The following EYS variants were observed in gnomAD, a reference collection of about 807,000 sequenced individuals.
EYS encodes EGF-like photoreceptor maintenance factor.
A neutral mutation model predicts 282.1 loss-of-function variants in EYS; 250 were observed. That is an observed-to-expected ratio of 0.89 (90% CI 0.80 to 0.98). The LOEUF (loss-of-function observed/expected upper bound fraction) is 0.98. Ranked by LOEUF, EYS falls within the 50% of genes least tolerant of loss-of-function variation. The probability of loss-of-function intolerance (pLI) is 0.00; values close to 1 mark genes in which losing one functional copy is unlikely to be tolerated. For missense variants in EYS, 4,016 were observed against 3,709.0 expected (o/e 1.08, Z -2.15); for synonymous variants, 1,355 against 1,282.9 (o/e 1.06, Z -1.20).
At chr6:65,495,682 T>C in intron 3 of EYS, 75 bp from the exon 4 acceptor site, 1 of 506,346 alleles carries the variant, frequency 2.0e-6, no homozygotes, top group Non-Finnish European at 3.5e-6. Context: ...CTAGCTCTTT[T>C]TGTGGATTTC....
At chr6:63,726,971 T>C (rs1370961945) in intron 41 of EYS, among the ~76,000 whole-genome samples, 5 of 152,208 alleles carry the variant, frequency 3.3e-5, no homozygotes, top group Non-Finnish European at 7.3e-5. Context: ...GATTGCATTA[T>C]ATAGAGGGAT....
intron 35 of EYS, among the ~76,000 whole-genome samples, chr6:63,971,886 A>G (rs1021718373): frequency 6.6e-6 from 1 of 152,240 alleles, no homozygotes; most frequent in Non-Finnish European, 1.5e-5. Context: ...CTTAAAGCAC[A>G]TGGTAAGTTA....
chr6:65,225,086 G>A (rs1390784321), intron 12 of EYS, among the ~76,000 whole-genome samples: 2 of 151,858 alleles, frequency 1.3e-5, no homozygotes, highest in African/African-American at 2.4e-5. Flanking sequence ...TGAGGAAAGT[G>A]TTACCCTTAA....
rs1434291054 is a variant in EYS, at chr6:65,686,597, T to C, written c.-448+20538A>G. ...TAAATGGGGAGAACAGGAGGATTCA[T>C]ATGTTTGTTAAACAAACTACAAAAT... On this transcript the variant is annotated intron_variant, in intron 1 of 42. Coordinates refer to ENST00000503581, the MANE Select transcript of EYS (RefSeq NM_001142800.2). Among the ~76,000 whole-genome samples, 4 of 152,276 alleles carry C rather than the reference T, an allele frequency of 2.6e-5. No homozygotes were observed. The South Asian group carries it at 8.3e-4, about 32-fold the overall frequency.
chr6:65,680,508 A>G (rs1327916181), intron 1 of EYS, among the ~76,000 whole-genome samples: 1 of 152,010 alleles, frequency 6.6e-6, no homozygotes, highest in Non-Finnish European at 1.5e-5. Flanking sequence ...TATTAATGAC[A>G]GTAAAGTAAA....
At chr6:64,871,765 A>G (rs1383464484) in intron 19 of EYS, among the ~76,000 whole-genome samples, 2 of 151,992 alleles carry the variant, frequency 1.3e-5, no homozygotes, top group Non-Finnish European at 2.9e-5. Context: ...ATTCCTCTTG[A>G]GAGAAGGTAG....
At chr6:64,699,031 T>C (rs1028623071) in intron 22 of EYS, among the ~76,000 whole-genome samples, 5 of 152,160 alleles carry the variant, frequency 3.3e-5, no homozygotes, top group African/African-American at 1.2e-4. Context: ...ACGTGAATGT[T>C]CACTGCAGCT....
At chr6:64,166,359 G>A (rs145649691) in intron 31 of EYS, among the ~76,000 whole-genome samples, 64 of 152,312 alleles carry the variant, frequency 4.2e-4, no homozygotes, top group African/African-American at 1.5e-3. Flanking sequence ...TTAGGTTCAA[G>A]TGATTTGCAC....
At chr6:65,026,206 G>A (rs968912564) in intron 13 of EYS, among the ~76,000 whole-genome samples, 1 of 152,042 alleles carries the variant, frequency 6.6e-6, no homozygotes, top group Non-Finnish European at 1.5e-5. Context: ...TCCACTGTTA[G>A]TTTCATAAAT....
intron 22 of EYS, among the ~76,000 whole-genome samples, chr6:64,676,980 T>C (rs1769711211): frequency 1.3e-5 from 2 of 152,164 alleles, no homozygotes; most frequent in Non-Finnish European, 2.9e-5. Flanking sequence ...CTTTATATGT[T>C]AAAGTGCAAA....
intron 19 of EYS, among the ~76,000 whole-genome samples, chr6:64,867,218 A>G (rs1158981250): frequency 9.8e-6 from 1 of 102,424 alleles, no homozygotes; most frequent in African/African-American, 3.2e-5. Flanking sequence ...AAGTTTATAG[A>G]GAATTTGTTC....
Position 65,030,849 on chromosome 6 carries a change from A to C in EYS, c.2137+26765T>G, listed in dbSNP as rs372955119. ...GGTAAATGTCTTAGTTAAAAGGCAA[A>C]GAATGGCAAGGTGGATAAAGAAATA... is the stretch of plus-strand genomic sequence containing the variant. On this transcript the variant is annotated intron_variant, in intron 13 of 42. Transcript: ENST00000503581. Among the ~76,000 whole-genome samples the C allele has an allele frequency of 2.2e-4, 33 of 152,306 alleles. 1 individual carries two copies. The South Asian group carries it at 6.8e-3, about 32-fold the overall frequency.
intron 2 of EYS, among the ~76,000 whole-genome samples, chr6:65,571,701 A>G (rs1764482492): frequency 6.6e-6 from 1 of 152,030 alleles, no homozygotes; most frequent in African/African-American, 2.4e-5. Flanking sequence ...CGATAATGAA[A>G]TTTTTCAAAT....
At chr6:64,480,499 C>T (rs781603190) in intron 26 of EYS, among the ~76,000 whole-genome samples, 1 of 151,648 alleles carries the variant, frequency 6.6e-6, no homozygotes, top group Non-Finnish European at 1.5e-5. Context: ...AATCTTTGTG[C>T]GATGTTAGAG....
chr6:63,816,323 A>T (rs1020378660), intron 36 of EYS, among the ~76,000 whole-genome samples: 2 of 152,212 alleles, frequency 1.3e-5, no homozygotes, highest in African/African-American at 4.8e-5. Flanking sequence ...TGACTGGAAT[A>T]ATTAAGAACA....
intron 14 of EYS, among the ~76,000 whole-genome samples, chr6:64,946,268 A>G (rs1769286914): frequency 6.6e-6 from 1 of 152,086 alleles, no homozygotes; most frequent in Admixed American, 6.6e-5. Flanking sequence ...TAAATAACTA[A>G]TTAAACAACT....
At chr6:63,981,413 T>G (rs933061556) in intron 35 of EYS, among the ~76,000 whole-genome samples, 1 of 151,818 alleles carries the variant, frequency 6.6e-6, no homozygotes, top group African/African-American at 2.4e-5. Context: ...CCAACTCCAC[T>G]GTATTGCATG....
At chr6:63,938,210 C>T (rs1363518542) in intron 35 of EYS, among the ~76,000 whole-genome samples, 5 of 152,166 alleles carry the variant, frequency 3.3e-5, no homozygotes, top group Admixed American at 6.5e-5. Context: ...ACAGGAATAA[C>T]GCATATTTAG....
At chr6:64,047,334 C>A (rs1770663082) in intron 33 of EYS, among the ~76,000 whole-genome samples, 2 of 151,864 alleles carry the variant, frequency 1.3e-5, no homozygotes, top group South Asian at 4.1e-4. Context: ...CCATCATCAG[C>A]AAAAAACAAC....
Sources: allele counts gnomAD v4.1 joint callset (sites outside exome capture counted in the v4.1 genomes callset), GRCh38; gene constraint gnomAD v4.1.1; transcripts MANE v1.5; gene names NCBI Gene and HGNC (gene_info 2026-07-23, HGNC 2026-07-21).